The following TET3 variants were observed in gnomAD, a reference collection of about 807,000 sequenced individuals.
TET3 encodes tet methylcytosine dioxygenase 3.
In TET3, 19 loss-of-function variants were observed where a neutral mutation model predicts 141.4. The ratio of observed to expected loss-of-function variants is 0.13; its 90% CI spans 0.09 to 0.20. The LOEUF (loss-of-function observed/expected upper bound fraction) is 0.20. TET3 is among the 10% of genes least tolerant of loss of function. The pLI, the probability that TET3 is intolerant of heterozygous loss-of-function variation, is 1.00. For synonymous variants in TET3, 1,043 were observed against 980.9 expected (o/e 1.06, Z -1.18); for missense variants, 1,874 against 2,356.9 (o/e 0.80, Z 4.24).
chr2:74,120,698 G>T, the TET3 span: 2 of 152,406 alleles, frequency 1.3e-5, no homozygotes, highest in African/African-American at 4.8e-5. Context: ...GGATCAGTTT[G>T]ACAACTTAGA....
At chr2:74,098,309 A>G (rs1395124223) in intron 10 of TET3, among the ~76,000 whole-genome samples, 1 of 152,256 alleles carries the variant, frequency 6.6e-6, no homozygotes, top group Non-Finnish European at 1.5e-5. Flanking sequence ...ACACATTGAT[A>G]CAGTAGAATA....
intron 3 of TET3, among the ~76,000 whole-genome samples, chr2:74,014,827 GT>G (rs1685647902): frequency 6.6e-6 from 1 of 152,166 alleles, no homozygotes; most frequent in African/African-American, 2.4e-5. Context: ...ATATGGTCCA[GT>G]TGGGATCCTT....
chr2:74,087,728 T>G lies in TET3; in HGVS notation c.2680-102T>G. On this transcript the variant is annotated intron_variant, in intron 6 of 11. Coordinates refer to ENST00000409262, the MANE Select transcript of TET3 (RefSeq NM_001287491.2). This position sits in a 1 kb window ranked among gnomAD's most constrained non-coding sequence, Gnocchi z 4.3. ...GCATGACATCCCTAGAACCCTGCCGTTAAGACCTGCACCCTGGGTCTGTGT... is the reference window on the plus strand; with the variant it reads ...GCATGACATCCCTAGAACCCTGCCGGTAAGACCTGCACCCTGGGTCTGTGT... 3 of 1,211,806 alleles carry G rather than the reference T, an allele frequency of 2.5e-6. No individual in the cohort carries two copies. Among genetic ancestry groups the G allele is most frequent in the Non-Finnish European group, 3.4e-6 (3 of 885,874 alleles). 75.1% of individuals were successfully genotyped at this position (1,211,806 alleles called of 1,614,324 possible). A position where few individuals can be genotyped will look rare whatever the true frequency, so the allele number is the denominator to read the frequency against.
intron 3 of TET3, among the ~76,000 whole-genome samples, chr2:74,003,597 G>A (rs1334201493): frequency 1.3e-5 from 2 of 150,798 alleles, no homozygotes; most frequent in Non-Finnish European, 3.0e-5. Flanking sequence ...GGAGAATTGC[G>A]CTCCTGAGTC....
At chr2:73,989,939 C>T (rs978700468) in intron 2 of TET3, among the ~76,000 whole-genome samples, 1 of 152,102 alleles carries the variant, frequency 6.6e-6, no homozygotes, top group Middle Eastern at 3.2e-3. Flanking sequence ...GGGAGTAACC[C>T]TGCTTTGTAG....
At chr2:74,085,375 C>T (rs1573886246) in intron 6 of TET3, among the ~76,000 whole-genome samples, 1 of 152,314 alleles carries the variant, frequency 6.6e-6, no homozygotes, top group East Asian at 1.9e-4. Flanking sequence ...TTGCATCCGG[C>T]CCACCTTCCT....
chr2:74,094,050 C>G (rs1367295113), intron 10 of TET3, among the ~76,000 whole-genome samples: 3 of 152,228 alleles, frequency 2.0e-5, no homozygotes, highest in African/African-American at 4.8e-5. Flanking sequence ...CCAGGCACTG[C>G]TCTGCATGCT....
At chr2:73,984,790 C>A (rs1266072639), upstream of TET3, among the ~76,000 whole-genome samples, 1 of 149,138 alleles carries the variant, frequency 6.7e-6, no homozygotes, top group African/African-American at 2.4e-5. The surrounding 1 kb of genome is among the most constrained non-coding windows in gnomAD (Gnocchi z 5.6). Context: ...GGGAACCACC[C>A]CCCTCTCGCC....
chr2:74,073,110 C>G (rs1689300775), intron 4 of TET3, among the ~76,000 whole-genome samples: 1 of 152,176 alleles, frequency 6.6e-6, no homozygotes. Context: ...GGTATTTACC[C>G]AGGAGGGCTT....
intron 3 of TET3, among the ~76,000 whole-genome samples, chr2:74,007,998 A>G (rs1232893648): frequency 1.3e-5 from 2 of 152,148 alleles, no homozygotes; most frequent in Non-Finnish European, 2.9e-5. Flanking sequence ...AAATTGCTAT[A>G]AAGGTTCCTA....
In TET3 at chr2:74,101,509, A is replaced by C. The variant is rs1451791745; in HGVS notation, c.4721A>C (p.Gln1574Pro). ...AGGATTCCAGCCGCAGGGGCCAGCC[A>C]GCTGGACAGGGCCTGGCAGTCCTTT... ...EGRIPAAGAS[Q>P]LDRAWQSFGL... The change falls in exon 12 of 12, where the codon CAG becomes CCG. Residue 1574 changes from glutamine to proline, a missense_variant. Gln to Pro is a moderately conservative substitution (Grantham distance 76, BLOSUM62 -1). Coordinates refer to ENST00000409262, the MANE Select transcript of TET3 (RefSeq NM_001287491.2). The surrounding 1 kb of genome is among the most constrained non-coding windows in gnomAD (Gnocchi z 8.5). 1 of 1,612,772 alleles carries C rather than the reference A, an allele frequency of 6.2e-7. No individual in the cohort carries two copies. Among genetic ancestry groups the C allele is most frequent in the Admixed American group, 1.7e-5 (1 of 59,806 alleles).
At chr2:74,131,111 G>T in the TET3 span, among the ~76,000 whole-genome samples, 2 of 152,250 alleles carry the variant, frequency 1.3e-5, no homozygotes, top group East Asian at 3.9e-4. Flanking sequence ...CCTCACTAAT[G>T]AGACTCTTAA....
intron 4 of TET3, among the ~76,000 whole-genome samples, chr2:74,065,699 TTCTTTC>T (rs1448760384): frequency 1.3e-5 from 2 of 151,524 alleles, no homozygotes; most frequent in Non-Finnish European, 2.9e-5. Flanking sequence ...TTCTTTCTTT[TTCTTTC>T]TTTCTTTCCT....
the TET3 span, among the ~76,000 whole-genome samples, chr2:74,126,560 T>C: frequency 6.8e-6 from 1 of 147,140 alleles, no homozygotes; most frequent in Non-Finnish European, 1.5e-5. Context: ...TGGAGTGCAG[T>C]GGTGCATCTC....
intron 3 of TET3, among the ~76,000 whole-genome samples, chr2:74,033,250 A>G (rs571578899): frequency 2.9e-4 from 44 of 152,332 alleles, no homozygotes; most frequent in Non-Finnish European, 4.0e-4. Context: ...CTCATCCTCT[A>G]TCACGCAGAG....
chr2:74,123,726 A>T, the TET3 span, among the ~76,000 whole-genome samples: 33,364 of 150,512 alleles, frequency 0.22, 4,255 homozygotes, highest in East Asian at 0.49. Flanking sequence ...GCCCATCGTC[A>T]GGGATGTGAG....
chr2:73,986,795 A>G (rs1183579299), intron 2 of TET3, 89 bp downstream of exon 2: 1 of 1,143,546 alleles, frequency 8.7e-7, no homozygotes, highest in African/African-American at 1.6e-5. Flanking sequence ...CGTCCAGTTG[A>G]GTCCATTCTC....
rs1217568867 is a variant in TET3 at position 74,087,132 on chromosome 2, T to C, written c.2680-698T>C. ...ATGTTTTTGGGGTTCATCCATGTTG[T>C]AACATGGATCAGAATTTTGTTTCTC... On this transcript the variant is annotated intron_variant, in intron 6 of 11. Coordinates refer to ENST00000409262, the MANE Select transcript of TET3 (RefSeq NM_001287491.2). This position sits in a 1 kb window ranked among gnomAD's most constrained non-coding sequence, Gnocchi z 4.3. Among the ~76,000 whole-genome samples the C allele has an allele frequency of 1.3e-5, 2 of 152,246 alleles. No individual in the cohort carries two copies. The highest frequency in any genetic ancestry group is 4.8e-5 in the African/African-American group (2 of 41,468).
chr2:74,079,221 C>T (rs1689673792), intron 5 of TET3, among the ~76,000 whole-genome samples: 1 of 152,178 alleles, frequency 6.6e-6, no homozygotes, highest in Admixed American at 6.5e-5. Context: ...GTGGCAGGCA[C>T]CTGTAATCCC....
Sources: gnomAD v4.1 joint callset for allele counts (sites outside exome capture counted in the v4.1 genomes callset) on GRCh38, gnomAD v4.1.1 for gene constraint, Gnocchi (gnomAD v3.1) non-coding constraint, MANE v1.5 for transcripts, NCBI Gene and HGNC (gene_info 2026-07-23, HGNC 2026-07-21) for gene names.